Variants in PLXNA2 observed in about 807,000 individuals in gnomAD.
PLXNA2 encodes the protein plexin-A2.
In PLXNA2, 91 loss-of-function variants were observed where a neutral mutation model predicts 193.5. That is an observed-to-expected ratio of 0.47 (90% CI 0.40 to 0.56). PLXNA2 has a LOEUF of 0.56. Ranked by LOEUF, PLXNA2 falls within the 20% of genes least tolerant of loss-of-function variation. The pLI is 0.00. For synonymous variants in PLXNA2, 997 were observed against 1,027.3 expected, an observed-to-expected ratio of 0.97 and a Z score of 0.56; for missense variants, 1,995 against 2,503.2, an observed-to-expected ratio of 0.80 and a Z score of 4.33.
At chr1:208,212,850 T>A (rs1364260763) in intron 2 of PLXNA2, among the ~76,000 whole-genome samples, 1 of 152,260 alleles carries the variant, frequency 6.6e-6, no homozygotes, top group African/African-American at 2.4e-5. Flanking sequence ...ATGAAAGTGA[T>A]CCAGATTTTA....
chr1:208,146,725 A>G (rs1668613722), intron 3 of PLXNA2, among the ~76,000 whole-genome samples: 1 of 152,180 alleles, frequency 6.6e-6, no homozygotes, highest in East Asian at 1.9e-4. Context: ...ACAGCAATAA[A>G]CTGAACCAGC....
chr1:208,131,190 T>C (rs1668139020), intron 4 of PLXNA2, among the ~76,000 whole-genome samples: 1 of 152,122 alleles, frequency 6.6e-6, no homozygotes, highest in Admixed American at 6.6e-5. Flanking sequence ...ATTGCGCTTG[T>C]CTCCAGGGGT....
Position 208,100,727 on chromosome 1 carries a change from G to A in PLXNA2, c.1608-1758C>T, listed in dbSNP as rs528083650. On this transcript the variant is annotated intron_variant, in intron 5 of 31. Coordinates refer to ENST00000367033, the MANE Select transcript of PLXNA2 (RefSeq NM_025179.4). ...TGCCTTGAGACAGAGAGACAGACAA[G>A]GCGCTGCAGCCAGGGCTGCCTCTGT... 4.9e-4 allele frequency among the ~76,000 whole-genome samples: 74 copies of A among 152,224 alleles called. 1 individual carries two copies. The highest frequency in any genetic ancestry group is 5.3e-4 in the Non-Finnish European group (36 of 68,034).
chr1:208,062,598 T>C (rs967991187), intron 12 of PLXNA2, among the ~76,000 whole-genome samples: 10 of 152,184 alleles, frequency 6.6e-5, no homozygotes, highest in Non-Finnish European at 1.2e-4. Context: ...GAGGCTTATT[T>C]TATCCAAGTC....
chr1:208,202,586 C>T (rs942942259), intron 3 of PLXNA2, among the ~76,000 whole-genome samples: 9 of 152,150 alleles, frequency 5.9e-5, no homozygotes, highest in Admixed American at 1.3e-4. Context: ...TCCCTTCCGA[C>T]TCAGAGATCC....
chr1:208,157,010 A>G (rs1167409834), intron 3 of PLXNA2, among the ~76,000 whole-genome samples: 1 of 152,232 alleles, frequency 6.6e-6, no homozygotes, highest in Non-Finnish European at 1.5e-5. Flanking sequence ...GAGCTAATAC[A>G]AGAAATTGCC....
chr1:208,173,987 T>C (rs1272007746), intron 3 of PLXNA2, among the ~76,000 whole-genome samples: 1 of 152,194 alleles, frequency 6.6e-6, no homozygotes, highest in Non-Finnish European at 1.5e-5. Context: ...CAGAAGCACA[T>C]ATGCTGGAGA....
At chr1:208,092,388 C>T (rs1008044620) in intron 9 of PLXNA2, among the ~76,000 whole-genome samples, 4 of 152,104 alleles carry the variant, frequency 2.6e-5, no homozygotes, top group East Asian at 1.9e-4. Context: ...AGAATGGTTG[C>T]GAGTGAAAGT....
intron 4 of PLXNA2, among the ~76,000 whole-genome samples, chr1:208,105,323 T>C (rs929865108): frequency 7.2e-5 from 11 of 152,240 alleles, no homozygotes; most frequent in African/African-American, 2.7e-4. Context: ...CTCAACATCA[T>C]GCAACCGCCT....
Position 208,028,695 on chromosome 1 carries a change from T to G in PLXNA2, c.5438+135A>C. ...CCACCCTTCCTCCCGCAGCAGGGGG[T>G]GTGGCAGGGAGGGGAGTGGGAGGTC... On this transcript the variant is annotated intron_variant, in intron 30 of 31. Coordinates refer to ENST00000367033, the MANE Select transcript of PLXNA2 (RefSeq NM_025179.4). The surrounding 1 kb of genome is among the most constrained non-coding windows in gnomAD (Gnocchi z 4.2). 12 of 693,734 alleles carry G rather than the reference T, an allele frequency of 1.7e-5. No individual in the cohort carries two copies. Among genetic ancestry groups the G allele is most frequent in the Non-Finnish European group, 2.4e-5 (10 of 422,936 alleles). The allele number at this position is 693,734 out of a possible 1,614,324, so 43.0% of individuals were successfully genotyped here. A position where few individuals can be genotyped will look rare whatever the true frequency, so the allele number is the denominator to read the frequency against.
chr1:208,096,606 C>T (rs913785599), intron 7 of PLXNA2, 124 bp downstream of exon 7: 2 of 1,156,978 alleles, frequency 1.7e-6, no homozygotes, highest in Non-Finnish European at 2.4e-6. Flanking sequence ...CAAACGTAAA[C>T]AAGTTGTCTA....
chr1:208,139,566 T>A (rs745635647), intron 4 of PLXNA2, among the ~76,000 whole-genome samples: 6 of 152,214 alleles, frequency 3.9e-5, no homozygotes, highest in Non-Finnish European at 8.8e-5. Context: ...GCCATTCAGA[T>A]AGAGAATGGT....
chr1:208,121,462 G>T (rs1667804939), intron 4 of PLXNA2, among the ~76,000 whole-genome samples: 1 of 152,208 alleles, frequency 6.6e-6, no homozygotes, highest in African/African-American at 2.4e-5. Flanking sequence ...GGACCAGGTG[G>T]AGGTAATTGA....
At chr1:208,031,390 C>T (rs1419139299) in intron 29 of PLXNA2, 200 bp downstream of exon 29, 10 of 1,393,772 alleles carry the variant, frequency 7.2e-6, no homozygotes, top group Non-Finnish European at 9.4e-6. Context: ...TCAAGCCAGG[C>T]AGGCCCCACT....
chr1:208,114,502 G>A (rs565968476), intron 4 of PLXNA2, among the ~76,000 whole-genome samples: 7 of 152,330 alleles, frequency 4.6e-5, no homozygotes, highest in South Asian at 2.1e-4. Context: ...CATAGGTGCC[G>A]GATCTGAGAC....
intron 14 of PLXNA2, among the ~76,000 whole-genome samples, chr1:208,053,564 C>G (rs1665331165): frequency 1.3e-5 from 2 of 152,330 alleles, no homozygotes; most frequent in South Asian, 4.1e-4. Context: ...AAATGCTTTA[C>G]AGAAAATAGA....
chr1:208,213,408 G>T (rs1347676582), intron 2 of PLXNA2, among the ~76,000 whole-genome samples: 5 of 152,194 alleles, frequency 3.3e-5, no homozygotes, highest in Admixed American at 6.5e-5. Flanking sequence ...ATCACTTATA[G>T]CTGTGGAGAT....
chr1:208,126,083 G>A, intron 4 of PLXNA2, among the ~76,000 whole-genome samples: 1 of 152,180 alleles, frequency 6.6e-6, no homozygotes, highest in African/African-American at 2.4e-5. Context: ...CTGGCAATGA[G>A]AGAGACAGCT....
At chr1:208,077,816 T>C (rs1287763893) in intron 12 of PLXNA2, among the ~76,000 whole-genome samples, 1 of 152,054 alleles carries the variant, frequency 6.6e-6, no homozygotes, top group African/African-American at 2.4e-5. Flanking sequence ...TAAAATGGGA[T>C]TGAAGTAGCT....
Sources: allele counts gnomAD v4.1 joint callset (sites outside exome capture counted in the v4.1 genomes callset), GRCh38; gene constraint gnomAD v4.1.1; non-coding constraint Gnocchi (gnomAD v3.1); transcripts MANE v1.5; gene names NCBI Gene and HGNC (gene_info 2026-07-23, HGNC 2026-07-21).